The following BCAS3 variants were observed in gnomAD, a reference collection of about 807,000 sequenced individuals.
BCAS3 encodes BCAS3 microtubule associated cell migration factor.
A neutral mutation model predicts 116.1 loss-of-function variants in BCAS3; 53 were observed. The ratio of observed to expected loss-of-function variants is 0.46; its 90% confidence interval spans 0.37 to 0.57. BCAS3 has a LOEUF of 0.57. Ranked by LOEUF, BCAS3 falls within the 20% of genes least tolerant of loss-of-function variation. The pLI is 0.00. For missense variants in BCAS3, 917 were observed against 1,165.4 expected (o/e 0.79, Z 3.10); for synonymous variants, 391 against 408.2 (o/e 0.96, Z 0.51).
chr17:60,903,074 A>G (rs1005488901), intron 11 of BCAS3, among the ~76,000 whole-genome samples: 16 of 152,166 alleles, frequency 1.1e-4, no homozygotes, highest in African/African-American at 3.9e-4. Flanking sequence ...CTGCCCCTTC[A>G]TGTTTGTCAA....
At chr17:61,166,200 C>T (rs545739207) in intron 22 of BCAS3, among the ~76,000 whole-genome samples, 3 of 152,284 alleles carry the variant, frequency 2.0e-5, no homozygotes, top group African/African-American at 7.2e-5. Flanking sequence ...CGAATTCCCT[C>T]ATGGCATATT....
chr17:60,792,790 A>G (rs557448208), intron 6 of BCAS3, among the ~76,000 whole-genome samples: 35 of 152,290 alleles, frequency 2.3e-4, no homozygotes, highest in Non-Finnish European at 4.9e-4. Flanking sequence ...CAGATGCTCA[A>G]TATTGAACTT....
chr17:61,131,653 T>G lies in BCAS3; in HGVS notation c.2425+47089T>G, dbSNP rs896913128. 6.6e-6 allele frequency among the ~76,000 whole-genome samples: 1 copy of G among 152,226 alleles called. No homozygotes were observed. The highest frequency in any genetic ancestry group is 1.5e-5 in the Non-Finnish European group (1 of 68,038). On this transcript the variant is annotated intron_variant, in intron 22 of 23. Transcript: ENST00000407086. This position sits in a 1 kb window ranked among gnomAD's most constrained non-coding sequence, Gnocchi z 4.4. ...GCCTCCAGGCCTTTGCAGCCTGTAG[T>G]GGTCTGCACTTCTCTGTTTTTCTTT...
At chr17:60,806,869 T>C (rs1367223518) in intron 6 of BCAS3, among the ~76,000 whole-genome samples, 1 of 152,188 alleles carries the variant, frequency 6.6e-6, no homozygotes, top group Non-Finnish European at 1.5e-5. Context: ...TTCCTGACTT[T>C]ACTTTTTTTG....
rs184770500 is a variant in BCAS3 at position 60,767,639 on chromosome 17, G to A, written c.403+20360G>A. On this transcript the variant is annotated intron_variant, in intron 6 of 23. Coordinates refer to ENST00000407086, the MANE Select transcript of BCAS3 (RefSeq NM_017679.5). ...TGGGATTACAGATGTGAGCCACTGT[G>A]CCCAGCCATGAATCTTTTTTTATTG... 8.5e-5 allele frequency among the ~76,000 whole-genome samples: 13 copies of A among 152,120 alleles called. No individual in the cohort carries two copies. The East Asian group carries it at 2.5e-3, about 29-fold the overall frequency.
chr17:61,383,978 A>T (rs1345416255), intron 23 of BCAS3: 1 of 152,274 alleles, frequency 6.6e-6, no homozygotes, highest in African/African-American at 2.4e-5. Flanking sequence ...GCTGGACTTC[A>T]GGACACAGGC....
intron 22 of BCAS3, among the ~76,000 whole-genome samples, chr17:61,195,888 T>C (rs1382497359): frequency 2.6e-5 from 4 of 152,176 alleles, no homozygotes; most frequent in Non-Finnish European, 5.9e-5. Flanking sequence ...CTGGCTATCT[T>C]TGGGAATGAT....
intron 6 of BCAS3, among the ~76,000 whole-genome samples, chr17:60,788,001 A>G (rs2046427010): frequency 6.6e-6 from 1 of 152,032 alleles, no homozygotes; most frequent in Admixed American, 6.6e-5. Flanking sequence ...CAAAATTTAT[A>G]TAAAGTTTGA....
chr17:61,110,218 T>C (rs565540453), intron 22 of BCAS3, among the ~76,000 whole-genome samples: 6 of 152,270 alleles, frequency 3.9e-5, no homozygotes, highest in Non-Finnish European at 8.8e-5. Context: ...ATGTATAGTT[T>C]TAAAAATTAT....
chr17:61,091,138 A>C (rs1439099385), intron 22 of BCAS3, among the ~76,000 whole-genome samples: 1 of 152,208 alleles, frequency 6.6e-6, no homozygotes, highest in Non-Finnish European at 1.5e-5. Context: ...TCTTTGAATA[A>C]ATCTTTGTGT....
At chr17:61,038,339 G>T (rs956153530) in intron 18 of BCAS3, among the ~76,000 whole-genome samples, 1 of 147,924 alleles carries the variant, frequency 6.8e-6, no homozygotes, top group South Asian at 2.1e-4. Flanking sequence ...GTGCAGTGGC[G>T]CGATCTCAGC....
intron 12 of BCAS3, among the ~76,000 whole-genome samples, 170 bp from the exon 13 acceptor site, chr17:60,924,237 C>G (rs945395997): frequency 1.3e-5 from 2 of 152,158 alleles, no homozygotes; most frequent in Non-Finnish European, 2.9e-5. Flanking sequence ...CATGTTATAT[C>G]TCTTCCTCAA....
At chr17:61,001,661 TC>T (rs2064247005) in intron 15 of BCAS3, among the ~76,000 whole-genome samples, 1 of 152,106 alleles carries the variant, frequency 6.6e-6, no homozygotes, top group African/African-American at 2.4e-5. Context: ...TGGAGAAAAA[TC>T]TTGTGGGGGG....
chr17:61,101,381 T>A (rs2074318894), intron 22 of BCAS3, among the ~76,000 whole-genome samples: 1 of 152,162 alleles, frequency 6.6e-6, no homozygotes, highest in African/African-American at 2.4e-5. Context: ...CGTCTACTTA[T>A]GGGAAAATTC....
chr17:60,813,489 T>C (rs988802982), intron 7 of BCAS3, among the ~76,000 whole-genome samples: 1 of 152,202 alleles, frequency 6.6e-6, no homozygotes, highest in African/African-American at 2.4e-5. Flanking sequence ...ATTGTTTAAA[T>C]TCGTTATAGA....
At chr17:60,817,793 A>G (rs2049563335) in intron 7 of BCAS3, among the ~76,000 whole-genome samples, 1 of 152,164 alleles carries the variant, frequency 6.6e-6, no homozygotes, top group Admixed American at 6.5e-5. Context: ...GCAAGAACAT[A>G]TGAAAAAATT....
At chr17:60,903,924 T>C (rs1350992863) in intron 11 of BCAS3, among the ~76,000 whole-genome samples, 1 of 152,220 alleles carries the variant, frequency 6.6e-6, no homozygotes, top group African/African-American at 2.4e-5. Flanking sequence ...GTCTATCTCA[T>C]ACACATGGGT....
intron 22 of BCAS3, among the ~76,000 whole-genome samples, chr17:61,311,835 A>T (rs1367310085): frequency 6.6e-6 from 1 of 152,176 alleles, no homozygotes; most frequent in African/African-American, 2.4e-5. Flanking sequence ...CGGAGGTTGC[A>T]GTGGGTTGAG....
At position 61,271,589 on chromosome 17, in the gene BCAS3, CTGTGTGTG is replaced by C. The variant is rs34693526; in HGVS notation, c.2426-96700_2426-96693del. ...CAGGCGCCCGCCATCACGCCCAGCTCTGTGTGTGTGTGTGTGTGTGTGTGTGTGTGTGT... is the reference window on the plus strand; with the variant it reads ...CAGGCGCCCGCCATCACGCCCAGCTCTGTGTGTGTGTGTGTGTGTGTGTGT... On this transcript the variant is annotated intron_variant, in intron 22 of 23. Coordinates refer to ENST00000407086, the MANE Select transcript of BCAS3 (RefSeq NM_017679.5). Among the ~76,000 whole-genome samples, 562 of 118,426 alleles carry C rather than the reference CTGTGTGTG, an allele frequency of 4.7e-3. 2 individuals are homozygous for C. Among genetic ancestry groups the C allele is most frequent in the Admixed American group, 5.7e-3 (61 of 10,722 alleles). The allele number at this position is 118,426 out of a possible 152,430, so 77.7% of individuals were successfully genotyped here. A position where few individuals can be genotyped will look rare whatever the true frequency, so the allele number is the denominator to read the frequency against.
Sources: allele counts gnomAD v4.1 joint callset (sites outside exome capture counted in the v4.1 genomes callset), GRCh38; gene constraint gnomAD v4.1.1; non-coding constraint Gnocchi (gnomAD v3.1); transcripts MANE v1.5; gene names NCBI Gene and HGNC (gene_info 2026-07-23, HGNC 2026-07-21).